Variants in LDLRAD4 observed in about 807,000 individuals in gnomAD.
The protein encoded by LDLRAD4 is low density lipoprotein receptor class A domain containing 4.
LDLRAD4 carries 5 observed loss-of-function variants against 17.0 expected under a neutral mutation model. That is an observed-to-expected ratio of 0.29 (90% CI 0.15 to 0.62). The LOEUF is 0.62. Among genes scored for constraint, LDLRAD4 ranks in the 20% least tolerant of loss-of-function variants. The pLI is 0.84. For synonymous variants in LDLRAD4, 168 were observed against 171.8 expected (o/e 0.98, Z 0.17); for missense variants, 340 against 424.7 (o/e 0.80, Z 1.75).
intron 2 of LDLRAD4, among the ~76,000 whole-genome samples, chr18:13,392,618 C>G (rs1359367167): frequency 6.6e-6 from 1 of 152,218 alleles, no homozygotes; most frequent in African/African-American, 2.4e-5. Context: ...TGCATCCTTT[C>G]TGGGTGTCAC....
intron 1 of LDLRAD4, among the ~76,000 whole-genome samples, chr18:13,349,691 G>A (rs2082927475): frequency 6.6e-6 from 1 of 152,132 alleles, no homozygotes; most frequent in African/African-American, 2.4e-5. Context: ...AGGTATACAT[G>A]TGCCATAGCG....
At chr18:13,372,434 A>T (rs1030511924) in intron 1 of LDLRAD4, among the ~76,000 whole-genome samples, 1 of 152,236 alleles carries the variant, frequency 6.6e-6, no homozygotes, top group Non-Finnish European at 1.5e-5. Flanking sequence ...AAATAAAAAC[A>T]CCTTGCCCTT....
At chr18:13,502,057 T>A (rs1196657805) in intron 3 of LDLRAD4, among the ~76,000 whole-genome samples, 1 of 152,238 alleles carries the variant, frequency 6.6e-6, no homozygotes, top group South Asian at 2.1e-4. Flanking sequence ...TGTGTAACGC[T>A]GCAAATTCGC....
intron 3 of LDLRAD4, chr18:13,611,555 A>G: frequency 2.0e-6 from 2 of 985,426 alleles, no homozygotes; most frequent in Non-Finnish European, 2.4e-6. Context: ...ACTGTGCTTG[A>G]ACAAAATGAA....
intron 1 of LDLRAD4, among the ~76,000 whole-genome samples, chr18:13,323,922 C>T (rs546512719): frequency 8.0e-4 from 23 of 28,826 alleles, no homozygotes; most frequent in Non-Finnish European, 1.6e-3. Flanking sequence ...AAAAATTAGC[C>T]GGGTGTGGTG....
intron 3 of LDLRAD4, among the ~76,000 whole-genome samples, chr18:13,589,564 A>G (rs2094982236): frequency 6.6e-6 from 1 of 151,996 alleles, no homozygotes; most frequent in Non-Finnish European, 1.5e-5. Flanking sequence ...GTCCTCTTAC[A>G]CAGGAGTCAG....
intron 1 of LDLRAD4, among the ~76,000 whole-genome samples, chr18:13,364,072 G>C (rs987237095): frequency 6.6e-6 from 1 of 152,088 alleles, no homozygotes; most frequent in Non-Finnish European, 1.5e-5. Flanking sequence ...AATATAATTA[G>C]CATAAAACAA....
intron 3 of LDLRAD4, among the ~76,000 whole-genome samples, chr18:13,485,416 G>T (rs369447846): frequency 6.6e-6 from 1 of 152,224 alleles, no homozygotes; most frequent in Non-Finnish European, 1.5e-5. Flanking sequence ...CTGGGCCTCC[G>T]CCTGCTTCCT....
intron 3 of LDLRAD4, among the ~76,000 whole-genome samples, chr18:13,501,642 G>A (rs1262926900): frequency 6.6e-6 from 1 of 151,878 alleles, no homozygotes; most frequent in East Asian, 1.9e-4. Context: ...AGCCAGGTGG[G>A]TGGGTATTAT....
At chr18:13,453,154 C>A (rs1281641147) in intron 3 of LDLRAD4, among the ~76,000 whole-genome samples, 2 of 152,222 alleles carry the variant, frequency 1.3e-5, no homozygotes, top group African/African-American at 4.8e-5. Context: ...ACCCCGGTAT[C>A]TTGCCCTTTG....
At chr18:13,444,177 G>T (rs2091232565) in intron 3 of LDLRAD4, among the ~76,000 whole-genome samples, 2 of 152,198 alleles carry the variant, frequency 1.3e-5, no homozygotes, top group South Asian at 4.1e-4. Flanking sequence ...GATTTCCTCT[G>T]TGTGTTATGA....
chr18:13,229,785 A>G (rs2041982108), intron 1 of LDLRAD4, among the ~76,000 whole-genome samples: 1 of 152,176 alleles, frequency 6.6e-6, no homozygotes, highest in African/African-American at 2.4e-5. Flanking sequence ...CTAGGCATAG[A>G]TAAAGACATG....
At chr18:13,393,532 A>G (rs1174813981) in intron 2 of LDLRAD4, among the ~76,000 whole-genome samples, 1 of 152,162 alleles carries the variant, frequency 6.6e-6, no homozygotes, top group Non-Finnish European at 1.5e-5. Flanking sequence ...GCGCCAATGC[A>G]GTGGTCCCCG....
At chr18:13,319,309 C>T (rs1395133163) in intron 1 of LDLRAD4, among the ~76,000 whole-genome samples, 3 of 152,140 alleles carry the variant, frequency 2.0e-5, no homozygotes, top group Non-Finnish European at 4.4e-5. Flanking sequence ...AACAGAGGTG[C>T]GCAGTGGCGG....
chr18:13,451,188 A>G (rs1274812650), intron 3 of LDLRAD4, among the ~76,000 whole-genome samples: 1 of 152,172 alleles, frequency 6.6e-6, no homozygotes, highest in Non-Finnish European at 1.5e-5. Context: ...CTGGGCTACT[A>G]TTACCAAATA....
rs61341772 is a variant in LDLRAD4, at chr18:13,513,985, G to A, written c.181+75601G>A. Among the ~76,000 whole-genome samples the A allele has an allele frequency of 2.4e-3, 370 of 152,324 alleles. 2 individuals carry two copies. The highest frequency in any genetic ancestry group is 8.4e-3 in the African/African-American group (347 of 41,556). ...CATTGTGGATCAATTCAGGGAACTG[G>A]GGTGCTGGAGAAAGCATGATCCATA... is the stretch of plus-strand genomic sequence containing the variant. On this transcript the variant is annotated intron_variant, in intron 3 of 5. Coordinates refer to ENST00000359446, the Ensembl canonical transcript of LDLRAD4.
At chr18:13,348,482 A>C (rs1349698390) in intron 1 of LDLRAD4, among the ~76,000 whole-genome samples, 1 of 152,096 alleles carries the variant, frequency 6.6e-6, no homozygotes, top group Non-Finnish European at 1.5e-5. Context: ...GTCTGCCCCT[A>C]CTGTGGGGTG....
chr18:13,319,469 C>T (rs2081106768), intron 1 of LDLRAD4, among the ~76,000 whole-genome samples: 1 of 152,190 alleles, frequency 6.6e-6, no homozygotes, highest in Non-Finnish European at 1.5e-5. Context: ...TGGGTGGAGG[C>T]AGGACTTGTA....
chr18:13,651,722 A>T (rs1179540505), exon 6 of LDLRAD4: 1 of 152,218 alleles, frequency 6.6e-6, no homozygotes, highest in East Asian at 1.9e-4. Context: ...GTTGTCCATA[A>T]GAGCAGTTCG....
Sources: gnomAD v4.1 joint callset for allele counts (sites outside exome capture counted in the v4.1 genomes callset) on GRCh38, gnomAD v4.1.1 for gene constraint, MANE v1.5 for transcripts, NCBI Gene and HGNC (gene_info 2026-07-23, HGNC 2026-07-21) for gene names.